Variants in CUX1 observed in about 807,000 individuals in gnomAD.
CUX1 encodes protein CASP.
A neutral mutation model predicts 158.8 loss-of-function variants in CUX1; 31 were observed. The ratio of observed to expected loss-of-function variants is 0.20; its 90% CI spans 0.15 to 0.26. The LOEUF is 0.26. Among genes scored for constraint, CUX1 ranks in the 10% least tolerant of loss-of-function variants. The probability of loss-of-function intolerance (pLI) is 1.00; values close to 1 mark genes in which losing one functional copy is unlikely to be tolerated. For missense variants in CUX1, 1,589 were observed against 2,014.6 expected (o/e 0.79, Z 4.04); for synonymous variants, 879 against 862.1 (o/e 1.02, Z -0.34).
chr7:101,844,104 C>T (rs1012326238), intron 1 of CUX1, among the ~76,000 whole-genome samples: 1 of 152,098 alleles, frequency 6.6e-6, no homozygotes, highest in African/African-American at 2.4e-5. Context: ...GCCCTAAGCA[C>T]GTTTGAATCA....
intron 8 of CUX1, among the ~76,000 whole-genome samples, chr7:102,137,746 G>C (rs1834057732): frequency 6.6e-6 from 1 of 152,072 alleles, no homozygotes; most frequent in African/African-American, 2.4e-5. Flanking sequence ...ATATTTTATA[G>C]ATTTTCTTGC....
intron 20 of CUX1, among the ~76,000 whole-genome samples, chr7:102,217,991 G>C (rs1797425236): frequency 6.6e-6 from 1 of 152,222 alleles, no homozygotes; most frequent in Non-Finnish European, 1.5e-5. Flanking sequence ...GGACACGATG[G>C]TGTCTCCTCT....
At position 102,250,564 on chromosome 7, in the gene CUX1, T is replaced by A. The variant is rs1383195531; in HGVS notation, c.*1522T>A. 1.0e-6 allele frequency: 1 copy of A among 985,398 alleles called. No individual in the cohort carries two copies. Among genetic ancestry groups the A allele is most frequent in the Non-Finnish European group, 1.2e-6 (1 of 829,930 alleles). 61.0% of individuals were successfully genotyped at this position (985,398 alleles called of 1,614,324 possible). ...GGAGAGAGAACGTGGCATTCTGGGC[T>A]CCCCACTCCCATCCCTGTAGAAATG... On this transcript the variant is annotated 3_prime_UTR_variant, in exon 24 of 24. Transcript: ENST00000292535.
In CUX1 at chr7:102,054,733, C is replaced by G. The variant is rs114853423; in HGVS notation, c.190-15606C>G. 2.6e-3 allele frequency among the ~76,000 whole-genome samples: 389 copies of G among 152,154 alleles called. 1 individual carries two copies. Among genetic ancestry groups the G allele is most frequent in the African/African-American group, 8.9e-3 (370 of 41,516 alleles). On this transcript the variant is annotated intron_variant, in intron 3 of 23. Coordinates refer to ENST00000292535, the MANE Select transcript of CUX1 (RefSeq NM_181552.4). The stretch of plus-strand genomic sequence containing the variant: ...CTGTGATTCTAACACTTTGGGAGGC[C>G]AAGACGGGAGGATCACTTGAACCTA...
chr7:102,177,907 T>C (rs2131773580), intron 10 of CUX1, among the ~76,000 whole-genome samples: 1 of 152,302 alleles, frequency 6.6e-6, no homozygotes, highest in Admixed American at 6.5e-5. Flanking sequence ...TTTTTTGTTT[T>C]TTTGAGACAG....
rs1288591645 is a variant in CUX1 at position 101,921,274 on chromosome 7, CGT to C, written c.141+5050_141+5051del. On this transcript the variant is annotated intron_variant, in intron 2 of 23. Transcript: ENST00000292535. ...TGCTGTGTGCACATATGTGTGTGTA[CGT>C]ACCCATGTGCCTGTACGAGAAGGGC... Among the ~76,000 whole-genome samples the C allele has an allele frequency of 2.6e-5, 4 of 151,994 alleles. No individual in the cohort carries two copies. In the East Asian group the frequency reaches 5.8e-4, roughly 22 times the overall value.
intron 22 of CUX1, among the ~76,000 whole-genome samples, chr7:102,237,905 C>G (rs568751875): frequency 1.0e-5 from 1 of 98,758 alleles, no homozygotes; most frequent in African/African-American, 3.0e-5. Context: ...GTCCACTGGA[C>G]AGGGGGCCCT....
At chr7:102,166,857 G>A (rs1007668813) in intron 9 of CUX1, among the ~76,000 whole-genome samples, 2 of 152,180 alleles carry the variant, frequency 1.3e-5, no homozygotes, top group Non-Finnish European at 2.9e-5. Flanking sequence ...TTGCGTGAAA[G>A]TAACGAAGGC....
intron 2 of CUX1, among the ~76,000 whole-genome samples, chr7:102,016,399 T>C (rs1402578883): frequency 6.6e-6 from 1 of 152,238 alleles, no homozygotes; most frequent in Non-Finnish European, 1.5e-5. Context: ...TCTCTGCTCA[T>C]GATTGAAGGA....
intron 13 of CUX1, 56 bp downstream of exon 13, chr7:102,193,946 C>A: frequency 6.5e-7 from 1 of 1,545,188 alleles, no homozygotes; most frequent in Non-Finnish European, 8.9e-7. Flanking sequence ...CTGGTTACCA[C>A]TGGTCCCTCC....
chr7:101,851,460 A>G (rs908296274), intron 1 of CUX1, among the ~76,000 whole-genome samples: 3 of 151,482 alleles, frequency 2.0e-5, no homozygotes, highest in Admixed American at 6.6e-5. Flanking sequence ...TTCCTGGTTA[A>G]CCTCTCATTT....
intron 20 of CUX1, among the ~76,000 whole-genome samples, chr7:102,211,886 C>T (rs1796575317): frequency 1.3e-5 from 2 of 151,864 alleles, no homozygotes; most frequent in South Asian, 2.1e-4. Context: ...TGAGGCAGGC[C>T]GCGCGGGAGC....
intron 21 of CUX1, 27 bp downstream of exon 21, chr7:102,227,696 CAGG>C: frequency 6.3e-7 from 1 of 1,586,082 alleles, no homozygotes; most frequent in Non-Finnish European, 8.6e-7. Context: ...GCTGCTGAGT[CAGG>C]AGGTGGCAGG....
At chr7:101,943,992 G>A (rs1438549896) in intron 2 of CUX1, among the ~76,000 whole-genome samples, 1 of 149,896 alleles carries the variant, frequency 6.7e-6, no homozygotes, top group Non-Finnish European at 1.5e-5. Context: ...AAGACAACTT[G>A]AGCCGCACAC....
At chr7:101,878,325 G>A (rs1016658089) in intron 1 of CUX1, among the ~76,000 whole-genome samples, 2 of 152,194 alleles carry the variant, frequency 1.3e-5, no homozygotes, top group Non-Finnish European at 2.9e-5. Context: ...CAGTGAGTGT[G>A]CCTAGGAGAG....
At chr7:102,067,449 G>A (rs1825669457) in intron 3 of CUX1, among the ~76,000 whole-genome samples, 1 of 151,424 alleles carries the variant, frequency 6.6e-6, no homozygotes, top group Non-Finnish European at 1.5e-5. Context: ...TCTTGACCAG[G>A]CTGGTCTTAA....
chr7:102,106,384 G>A (rs1429188769), intron 6 of CUX1, among the ~76,000 whole-genome samples: 3 of 152,176 alleles, frequency 2.0e-5, no homozygotes, highest in Middle Eastern at 6.8e-3. Flanking sequence ...CACCGCACCC[G>A]GCTCTTGGTG....
In CUX1 at chr7:102,251,926, C is replaced by G. The variant is rs1801561067; in HGVS notation, c.*2884C>G. ...GGCCAAACAGTAACAGTCTAAAATG[C>G]AGTCATTTTGACCCTCCCAAGCAAT... On this transcript the variant is annotated 3_prime_UTR_variant, in exon 24 of 24. Coordinates refer to ENST00000292535, the MANE Select transcript of CUX1 (RefSeq NM_181552.4). 2 of 985,350 alleles carry G rather than the reference C, an allele frequency of 2.0e-6. No homozygotes were observed. The highest frequency in any genetic ancestry group is 1.7e-5 in the African/African-American group (1 of 57,336). 61.0% of individuals were successfully genotyped at this position (985,350 alleles called of 1,614,324 possible).
intron 8 of CUX1, among the ~76,000 whole-genome samples, chr7:102,121,336 T>G (rs1832015230): frequency 6.8e-6 from 1 of 147,792 alleles, no homozygotes; most frequent in South Asian, 2.2e-4. Context: ...CCTGGCTAAT[T>G]TTTGCTTTTT....
Sources: allele counts gnomAD v4.1 joint callset (sites outside exome capture counted in the v4.1 genomes callset), GRCh38; gene constraint gnomAD v4.1.1; transcripts MANE v1.5; gene names NCBI Gene and HGNC (gene_info 2026-07-23, HGNC 2026-07-21).